Variants in SLC41A2 observed in about 807,000 individuals in gnomAD.
The protein encoded by SLC41A2 is SLC41A1-like 1.
In SLC41A2, 32 loss-of-function variants were observed where a neutral mutation model predicts 58.3. That is an observed-to-expected ratio of 0.55 (90% CI 0.41 to 0.74). The LOEUF is 0.74. SLC41A2 is among the 30% of genes least tolerant of loss of function. The probability of loss-of-function intolerance (pLI) is 0.00; values close to 1 mark genes in which losing one functional copy is unlikely to be tolerated. For synonymous variants in SLC41A2, 190 were observed against 235.0 expected (o/e 0.81, Z 1.75); for missense variants, 514 against 680.6 (o/e 0.76, Z 2.72).
At chr12:104,844,395 G>A (rs2042528178) in intron 10 of SLC41A2, 77 bp downstream of exon 10, 1 of 954,678 alleles carries the variant, frequency 1.0e-6, no homozygotes, top group East Asian at 2.9e-5. Context: ...AATGTGTCAT[G>A]TGTTTTTATA....
intron 5 of SLC41A2, among the ~76,000 whole-genome samples, chr12:104,888,730 T>C (rs2044794382): frequency 6.6e-6 from 1 of 151,794 alleles, no homozygotes; most frequent in Non-Finnish European, 1.5e-5. Flanking sequence ...CAGAAAGGAG[T>C]TTCCCAATTT....
chr12:104,946,502 G>C (rs1460935439), intron 1 of SLC41A2, among the ~76,000 whole-genome samples: 1 of 152,108 alleles, frequency 6.6e-6, no homozygotes, highest in African/African-American at 2.4e-5. Flanking sequence ...TTGAACTCCT[G>C]GCCACAATCT....
intron 6 of SLC41A2, among the ~76,000 whole-genome samples, chr12:104,885,782 GA>G (rs577366977): frequency 6.6e-5 from 10 of 152,092 alleles, no homozygotes; most frequent in African/African-American, 9.6e-5. Flanking sequence ...TTTTTGTGGT[GA>G]TTTTTTTTTC....
chr12:104,804,344 T>TCACA lies in SLC41A2; in HGVS notation c.*807_*808insTGTG, dbSNP rs1344005656. The TCACA allele has an allele frequency of 4.7e-4, 49 of 103,660 alleles. No individual in the cohort carries two copies. The highest frequency in any genetic ancestry group is 1.6e-3 in the African/African-American group (46 of 28,630). The allele number at this position is 103,660 out of a possible 1,614,324, so 6.4% of individuals were successfully genotyped here. On this transcript the variant is annotated 3_prime_UTR_variant, in exon 11 of 11. Coordinates refer to ENST00000258538, the MANE Select transcript of SLC41A2 (RefSeq NM_001352171.3). Reference sequence around the variant, plus strand: ...TAGTTCTTCATCAAAAGTCTCTCTCTCTCACACACACACACACACACATTC... The same window carrying TCACA: ...TAGTTCTTCATCAAAAGTCTCTCTCTCACACTCACACACACACACACACACATTC...
At position 104,804,925 on chromosome 12, in the gene SLC41A2, C is replaced by G; in HGVS notation, c.*227G>C. On this transcript the variant is annotated 3_prime_UTR_variant, in exon 11 of 11. Coordinates refer to ENST00000258538, the MANE Select transcript of SLC41A2 (RefSeq NM_001352171.3). Reference sequence around the variant, plus strand: ...TCAGAGCTGGAACTTATATCTATGTCTATGTCAAATTATCATTTATTCTAT... The same window carrying G: ...TCAGAGCTGGAACTTATATCTATGTGTATGTCAAATTATCATTTATTCTAT... 2.9e-6 allele frequency: 1 copy of G among 344,794 alleles called. No individual in the cohort carries two copies. The highest frequency in any genetic ancestry group is 5.3e-6 in the Non-Finnish European group (1 of 190,308). 21.4% of individuals were successfully genotyped at this position (344,794 alleles called of 1,614,324 possible). A position where few individuals can be genotyped will look rare whatever the true frequency, so the allele number is the denominator to read the frequency against.
chr12:104,891,381 G>A (rs1207970657), intron 4 of SLC41A2, among the ~76,000 whole-genome samples: 2 of 150,912 alleles, frequency 1.3e-5, no homozygotes, highest in Admixed American at 1.3e-4. Context: ...AAGCTGAGAT[G>A]GAAATTATTA....
intron 10 of SLC41A2, among the ~76,000 whole-genome samples, chr12:104,818,884 A>C (rs2041521937): frequency 6.6e-6 from 1 of 151,864 alleles, no homozygotes; most frequent in Non-Finnish European, 1.5e-5. Context: ...CTCAAAATAA[A>C]TAAATAAATA....
chr12:104,842,760 A>C (rs554324331), intron 10 of SLC41A2, among the ~76,000 whole-genome samples: 2 of 152,188 alleles, frequency 1.3e-5, no homozygotes, highest in East Asian at 1.9e-4. Context: ...TATATGTTGA[A>C]ATCTATTTTT....
In SLC41A2 at chr12:104,847,788, C is replaced by T. The variant is rs1003145313; in HGVS notation, c.1256-1814G>A. Among the ~76,000 whole-genome samples, 19 of 152,052 alleles carry T rather than the reference C, an allele frequency of 1.2e-4. No homozygotes were observed. The East Asian group carries it at 3.5e-3, about 28-fold the overall frequency. Reference sequence around the variant, plus strand: ...TAGATTCTTGGAAACAGACTGTAAGCGAAATGACATACAGCAGGTCCTAGA... The same window carrying T: ...TAGATTCTTGGAAACAGACTGTAAGTGAAATGACATACAGCAGGTCCTAGA... On this transcript the variant is annotated intron_variant, in intron 8 of 10. Coordinates refer to ENST00000258538, the MANE Select transcript of SLC41A2 (RefSeq NM_001352171.3).
chr12:104,803,860 G>GT lies in SLC41A2; in HGVS notation c.*1291dup, dbSNP rs1225271774. The stretch of plus-strand genomic sequence containing the variant: ...ACCCACCAACTTCTTTTTTAAAAGC[G>GT]TAAGTCAACGGGCTTCTTTAAAAGA... On this transcript the variant is annotated 3_prime_UTR_variant, in exon 11 of 11. Transcript: ENST00000258538. 7 of 152,164 alleles carry GT rather than the reference G, an allele frequency of 4.6e-5. No homozygotes were observed. Among genetic ancestry groups the GT allele is most frequent in the African/African-American group, 1.7e-4 (7 of 41,532 alleles). The allele number at this position is 152,164 out of a possible 1,614,324, so 9.4% of individuals were successfully genotyped here.
At chr12:104,805,574 CTAGCCTCCCAA>C (rs1284630861) in intron 10 of SLC41A2, among the ~76,000 whole-genome samples, 22 of 152,306 alleles carry the variant, frequency 1.4e-4, no homozygotes, top group African/African-American at 5.3e-4. Context: ...AGATCTCATT[CTAGCCTCCCAA>C]TAGCCATAAT....
At position 104,920,387 on chromosome 12, in the gene SLC41A2, T is replaced by C. The variant is rs192443314; in HGVS notation, c.555+7586A>G. ...CATTCAAGATGACAAGGAAAAGTAA[T>C]GCAGAAATTTATCAGAGAAATTTAA... On this transcript the variant is annotated intron_variant, in intron 2 of 10. Coordinates refer to ENST00000258538, the MANE Select transcript of SLC41A2 (RefSeq NM_001352171.3). Among the ~76,000 whole-genome samples the C allele has an allele frequency of 7.2e-5, 11 of 152,114 alleles. No individual in the cohort carries two copies. In the East Asian group the frequency reaches 2.1e-3, roughly 29 times the overall value.
intron 5 of SLC41A2, 53 bp from the exon 6 acceptor site, chr12:104,886,492 T>A (rs1593073130): frequency 1.3e-6 from 2 of 1,570,106 alleles, no homozygotes; most frequent in Non-Finnish European, 1.7e-6. Context: ...AGAAAATCAA[T>A]CCCCCAAATA....
In SLC41A2 at chr12:104,804,921, A is replaced by G. The variant is rs2040838060; in HGVS notation, c.*231T>C. 1.2e-5 allele frequency: 4 copies of G among 325,516 alleles called. No individual in the cohort carries two copies. Among genetic ancestry groups the G allele is most frequent in the East Asian group, 5.2e-5 (1 of 19,126 alleles). The allele number at this position is 325,516 out of a possible 1,614,324, so 20.2% of individuals were successfully genotyped here. ...AATTTCAGAGCTGGAACTTATATCT[A>G]TGTCTATGTCAAATTATCATTTATT... On this transcript the variant is annotated 3_prime_UTR_variant, in exon 11 of 11. Coordinates refer to ENST00000258538, the MANE Select transcript of SLC41A2 (RefSeq NM_001352171.3).
At chr12:104,818,234 C>G (rs1304675105) in intron 10 of SLC41A2, among the ~76,000 whole-genome samples, 1 of 152,012 alleles carries the variant, frequency 6.6e-6, no homozygotes, top group Non-Finnish European at 1.5e-5. Flanking sequence ...AAAGCAGAAT[C>G]AGAACCTGAA....
intron 4 of SLC41A2, 26 bp from the exon 5 acceptor site, chr12:104,889,203 T>A: frequency 6.3e-7 from 1 of 1,590,678 alleles, no homozygotes; most frequent in Non-Finnish European, 8.5e-7. Context: ...TAAATCCAAC[T>A]GAATTATTCA....
chr12:104,928,066 T>C lies in SLC41A2; in HGVS notation c.462A>G (p.Glu154=). 4 of 1,614,210 alleles carry C rather than the reference T, an allele frequency of 2.5e-6. No individual in the cohort carries two copies. The highest frequency in any genetic ancestry group is 3.4e-6 in the Non-Finnish European group (4 of 1,180,030). The change falls in exon 2 of 11, where the codon GAA becomes GAG. Residue 154 remains glutamate, a synonymous_variant. Transcript: ENST00000258538. ...TTTGCAATGCCATGATGCCACTGGATTCCTTTGGTAATTTTGGGGTCACTT... is the reference window on the plus strand; with the variant it reads ...TTTGCAATGCCATGATGCCACTGGACTCCTTTGGTAATTTTGGGGTCACTT... ...IVEVTPKLPK[E]SSGIMALQIL...
chr12:104,907,186 T>C (rs897033571), intron 3 of SLC41A2, among the ~76,000 whole-genome samples: 14 of 149,762 alleles, frequency 9.3e-5, no homozygotes, highest in Admixed American at 8.1e-4. Context: ...TCACTCGTTA[T>C]CCTTTTGTCA....
At chr12:104,857,597 C>A (rs1365553583) in intron 8 of SLC41A2, among the ~76,000 whole-genome samples, 1 of 151,936 alleles carries the variant, frequency 6.6e-6, no homozygotes, top group Non-Finnish European at 1.5e-5. Context: ...AGACTTGGAA[C>A]CAACCCAAAT....
Sources: gnomAD v4.1 joint callset for allele counts (sites outside exome capture counted in the v4.1 genomes callset) on GRCh38, gnomAD v4.1.1 for gene constraint, MANE v1.5 for transcripts, NCBI Gene and HGNC (gene_info 2026-07-23, HGNC 2026-07-21) for gene names.